NTM: variants seen among roughly 807,000 people sequenced by gnomAD.
NTM encodes IgLON family member 2.
NTM carries 13 observed loss-of-function variants against 42.1 expected under a neutral mutation model. The observed-to-expected ratio is 0.31, with a 90% confidence interval of 0.20 to 0.49. The LOEUF is 0.49. NTM is among the 20% of genes least tolerant of loss of function. The probability of loss-of-function intolerance (pLI) is 0.99; values close to 1 mark genes in which losing one functional copy is unlikely to be tolerated. For synonymous variants in NTM, 187 were observed against 179.2 expected, an observed-to-expected ratio of 1.04 and a Z score of -0.35; for missense variants, 373 against 452.8, an observed-to-expected ratio of 0.82 and a Z score of 1.60.
At chr11:131,868,270 A>C (rs1467061673) in intron 1 of NTM, among the ~76,000 whole-genome samples, 1 of 151,916 alleles carries the variant, frequency 6.6e-6, no homozygotes, top group South Asian at 2.1e-4. Flanking sequence ...CCCCGCAGCC[A>C]CCCACCCTTT....
At chr11:131,843,043 T>C (rs11823166) in intron 1 of NTM, among the ~76,000 whole-genome samples, 22,995 of 151,832 alleles carry the variant, frequency 0.15, 2,216 homozygotes, top group African/African-American at 0.27. Context: ...AAATATAAAA[T>C]GAAAAGCAAA....
chr11:132,238,777 A>G (rs1198867079), intron 4 of NTM, among the ~76,000 whole-genome samples: 1 of 152,130 alleles, frequency 6.6e-6, no homozygotes, highest in East Asian at 1.9e-4. Context: ...GCATAAAGTC[A>G]CCTGAGGACT....
chr11:131,534,892 A>G (rs1195372303), intron 1 of NTM: 1 of 152,244 alleles, frequency 6.6e-6, no homozygotes. Flanking sequence ...CACTCCCTGC[A>G]CAATCATGCA....
chr11:131,695,185 CTG>C (rs1235357427), intron 1 of NTM, among the ~76,000 whole-genome samples: 1 of 102,130 alleles, frequency 9.8e-6, no homozygotes, highest in Non-Finnish European at 1.8e-5. Context: ...AGAAAAATCT[CTG>C]TGACGAGATA....
chr11:131,790,426 G>T (rs2090764583), intron 1 of NTM, among the ~76,000 whole-genome samples: 1 of 152,090 alleles, frequency 6.6e-6, no homozygotes, highest in Non-Finnish European at 1.5e-5. Flanking sequence ...TACTACATAG[G>T]TGAGGGGAGA....
intron 1 of NTM, among the ~76,000 whole-genome samples, chr11:131,839,813 C>T (rs1027320098): frequency 6.6e-6 from 1 of 152,130 alleles, no homozygotes; most frequent in African/African-American, 2.4e-5. Flanking sequence ...GAGGTCTGAC[C>T]CAGATCTGTG....
intron 2 of NTM, among the ~76,000 whole-genome samples, chr11:132,078,314 C>A (rs1042591986): frequency 1.3e-5 from 2 of 152,222 alleles, no homozygotes; most frequent in African/African-American, 4.8e-5. Flanking sequence ...CTTCGAACCT[C>A]AGCAAATTGG....
chr11:132,280,737 C>T (rs1414622886), intron 4 of NTM, among the ~76,000 whole-genome samples: 7 of 152,052 alleles, frequency 4.6e-5, no homozygotes, highest in Non-Finnish European at 5.9e-5. Flanking sequence ...CTGCCCACCT[C>T]GGCCTCCCAA....
intron 1 of NTM, among the ~76,000 whole-genome samples, chr11:131,660,065 G>T (rs117345092): frequency 6.6e-6 from 1 of 152,336 alleles, no homozygotes; most frequent in African/African-American, 2.4e-5. Flanking sequence ...CCTTACAGCC[G>T]ACAGAACCGA....
chr11:131,806,897 C>T (rs1307738482), intron 1 of NTM, among the ~76,000 whole-genome samples: 1 of 152,172 alleles, frequency 6.6e-6, no homozygotes, highest in African/African-American at 2.4e-5. Context: ...GGAGAAAACA[C>T]ATAAACCACT....
intron 2 of NTM, among the ~76,000 whole-genome samples, chr11:132,053,618 A>G (rs1038491722): frequency 1.3e-5 from 2 of 152,214 alleles, no homozygotes; most frequent in Admixed American, 6.5e-5. Context: ...GTGAAATAAC[A>G]TGAAAAAATG....
chr11:132,259,049 T>C (rs1208326615), intron 4 of NTM, among the ~76,000 whole-genome samples: 3 of 152,196 alleles, frequency 2.0e-5, no homozygotes, highest in Non-Finnish European at 4.4e-5. Context: ...AAAGGAAGCA[T>C]TGACCACCTC....
intron 3 of NTM, among the ~76,000 whole-genome samples, chr11:132,178,160 T>G (rs1233247285): frequency 1.3e-5 from 2 of 152,192 alleles, no homozygotes; most frequent in Non-Finnish European, 2.9e-5. Flanking sequence ...TCCTTACAGA[T>G]AGGGAGGCTG....
At chr11:132,300,320 C>T (rs920306790) in intron 4 of NTM, among the ~76,000 whole-genome samples, 1 of 152,150 alleles carries the variant, frequency 6.6e-6, no homozygotes, top group Non-Finnish European at 1.5e-5. Flanking sequence ...ATGCTAAGTA[C>T]TTTACTCATA....
At chr11:131,518,587 C>T (rs1007298638) in intron 1 of NTM, among the ~76,000 whole-genome samples, 9 of 152,212 alleles carry the variant, frequency 5.9e-5, no homozygotes, top group African/African-American at 2.2e-4. Flanking sequence ...AGGAATTTCA[C>T]TGGACTCATT....
At chr11:131,769,982 C>A (rs1415332535) in intron 1 of NTM, among the ~76,000 whole-genome samples, 2 of 152,136 alleles carry the variant, frequency 1.3e-5, no homozygotes, top group African/African-American at 2.4e-5. Flanking sequence ...CTCAGGAAGT[C>A]CCCCAGGCTG....
At chr11:131,432,689 A>G (rs1450943669) in intron 1 of NTM, among the ~76,000 whole-genome samples, 2 of 151,980 alleles carry the variant, frequency 1.3e-5, no homozygotes, top group Non-Finnish European at 2.9e-5. Context: ...TACTCTCCTC[A>G]TCCAAGAATT....
At chr11:131,843,777 G>T (rs2044580946) in intron 1 of NTM, among the ~76,000 whole-genome samples, 1 of 152,142 alleles carries the variant, frequency 6.6e-6, no homozygotes, top group Admixed American at 6.5e-5. Flanking sequence ...TGCTAGTGTG[G>T]TTGAACATCT....
chr11:131,948,984 G>C (rs761937427), intron 2 of NTM, among the ~76,000 whole-genome samples: 1 of 152,102 alleles, frequency 6.6e-6, no homozygotes, highest in Non-Finnish European at 1.5e-5. Flanking sequence ...GCAACTCCAC[G>C]TTTCTCCCTC....
Sources: allele counts gnomAD v4.1 joint callset (sites outside exome capture counted in the v4.1 genomes callset), GRCh38; gene constraint gnomAD v4.1.1; transcripts MANE v1.5; gene names NCBI Gene and HGNC (gene_info 2026-07-23, HGNC 2026-07-21).